CDCA5: variants seen among roughly 807,000 people sequenced by gnomAD.
CDCA5 encodes the protein cell division cycle associated 5.
CDCA5 carries 14 observed loss-of-function variants against 25.7 expected under a neutral mutation model. That is an observed-to-expected ratio of 0.54 (90% CI 0.36 to 0.85). The LOEUF (loss-of-function observed/expected upper bound fraction) is 0.85, where lower values mean the gene tolerates loss of function less well. Ranked by LOEUF, CDCA5 falls within the 40% of genes least tolerant of loss-of-function variation. The pLI is 0.01. For synonymous variants in CDCA5, 127 were observed against 128.7 expected, an observed-to-expected ratio of 0.99 and a Z score of 0.09; for missense variants, 307 against 324.5, an observed-to-expected ratio of 0.95 and a Z score of 0.41.
chr11:65,078,009 A>C lies in CDCA5; in HGVS notation c.*1098T>G, dbSNP rs1023343828. 1.0e-6 allele frequency: 1 copy of C among 985,370 alleles called. No individual in the cohort carries two copies. The highest frequency in any genetic ancestry group is 1.2e-6 in the Non-Finnish European group (1 of 829,968). 61.0% of individuals were successfully genotyped at this position (985,370 alleles called of 1,614,324 possible). A position where few individuals can be genotyped will look rare whatever the true frequency, so the allele number is the denominator to read the frequency against. On this transcript the variant is annotated 3_prime_UTR_variant, in exon 6 of 6. Coordinates refer to ENST00000275517, the MANE Select transcript of CDCA5 (RefSeq NM_080668.4). ...ATGGAAAGAAGAGAAAGATGGGGAA[A>C]TTCTCCAGAGATCATGAGATGCATC...
chr11:65,076,699 T>G (rs1055420887), downstream of CDCA5, among the ~76,000 whole-genome samples: 5 of 152,150 alleles, frequency 3.3e-5, no homozygotes, highest in African/African-American at 1.2e-4. Flanking sequence ...GGTCCTAGCC[T>G]TACCTAAGGC....
chr11:65,076,974 G>A (rs1947458445), downstream of CDCA5, among the ~76,000 whole-genome samples: 1 of 152,134 alleles, frequency 6.6e-6, no homozygotes, highest in African/African-American at 2.4e-5. Context: ...ACTGGGGACT[G>A]GACAGAAATA....
intron 3 of CDCA5, chr11:65,067,981 C>G: frequency 8.2e-7 from 1 of 1,223,968 alleles, no homozygotes; most frequent in South Asian, 1.3e-5. Flanking sequence ...CTGCATGTGC[C>G]TGCATGGGCA....
the CDCA5 span, among the ~76,000 whole-genome samples, chr11:65,061,162 G>A: frequency 6.6e-6 from 1 of 152,148 alleles, no homozygotes; most frequent in Admixed American, 6.6e-5. Context: ...GCAGAGTCAC[G>A]TGGCCTCCCG....
chr11:65,070,226 T>A (rs1277524032), intron 1 of CDCA5, among the ~76,000 whole-genome samples: 3 of 151,678 alleles, frequency 2.0e-5, no homozygotes, highest in African/African-American at 7.3e-5. Context: ...AGAGGGTGAG[T>A]GGAAGGCGTA....
chr11:65,064,869 A>G (rs539326861), downstream of CDCA5, among the ~76,000 whole-genome samples: 3 of 152,312 alleles, frequency 2.0e-5, no homozygotes, highest in African/African-American at 4.8e-5. Flanking sequence ...TATAAAAATA[A>G]AATGTAAAAA....
intron 5 of CDCA5, chr11:65,066,809 T>C: frequency 3.1e-6 from 4 of 1,289,346 alleles, no homozygotes; most frequent in Non-Finnish European, 4.0e-6. Flanking sequence ...GCTCAGGGTC[T>C]TACCAGGTTC....
intron 4 of CDCA5, among the ~76,000 whole-genome samples, chr11:65,081,661 A>G (rs1386302917): frequency 3.3e-5 from 5 of 152,088 alleles, no homozygotes; most frequent in African/African-American, 1.2e-4. Flanking sequence ...CATGCAAGAA[A>G]ATACACTATA....
the CDCA5 span, among the ~76,000 whole-genome samples, chr11:65,061,140 CT>C: frequency 6.6e-6 from 1 of 152,192 alleles, no homozygotes; most frequent in Admixed American, 6.5e-5. Context: ...ACCCTTGCCC[CT>C]GGATGTGCCT....
chr11:65,066,842 G>A, exon 5 of CDCA5: 1 of 1,289,378 alleles, frequency 7.8e-7, no homozygotes, highest in South Asian at 1.2e-5. Flanking sequence ...CCCAGGGCCA[G>A]GTTGTGCACT....
chr11:65,067,730 T>C (rs1947266209), exon 4 of CDCA5: 2 of 1,289,424 alleles, frequency 1.6e-6, no homozygotes, highest in Non-Finnish European at 2.0e-6. Flanking sequence ...ATCTAAGAAC[T>C]GGTACTCCTG....
chr11:65,083,663 T>G lies in CDCA5; in HGVS notation c.107A>C (p.Glu36Ala). ...LRRSQRKSGSELPSILPEIWP... is the reference protein window; with the variant it reads ...LRRSQRKSGSALPSILPEIWP... ...GATTTCAGGGAGGATGCTCGGGAGT[T>G]CAGAGCCTGATTTCCGCTGGGACCT... The change falls in exon 2 of 6, where the codon GAA becomes GCA. Residue 36 changes from glutamate (E) to alanine (A), a missense_variant. Glu to Ala is a moderately radical substitution (Grantham distance 107, BLOSUM62 -1). Transcript: ENST00000275517. The G allele has an allele frequency of 6.2e-7, 1 of 1,614,098 alleles. No homozygotes were observed.
At chr11:65,065,053 G>C (rs577350628), downstream of CDCA5, among the ~76,000 whole-genome samples, 116 of 152,098 alleles carry the variant, frequency 7.6e-4, no homozygotes, top group Non-Finnish European at 1.4e-3. Context: ...CCATCCTCTT[G>C]GCTGTTGTCT....
chr11:65,073,527 C>A (rs974984126), downstream of CDCA5, among the ~76,000 whole-genome samples: 4 of 152,090 alleles, frequency 2.6e-5, no homozygotes, highest in Admixed American at 2.6e-4. Context: ...GGGAAAGACA[C>A]GAGAGGCAGA....
At chr11:65,065,553 G>T (rs970748669), downstream of CDCA5, among the ~76,000 whole-genome samples, 1 of 152,176 alleles carries the variant, frequency 6.6e-6, no homozygotes, top group Non-Finnish European at 1.5e-5. Flanking sequence ...CTCCCAAAGT[G>T]CTGGGATTAC....
At chr11:65,064,726 G>A (rs1358654721), downstream of CDCA5, among the ~76,000 whole-genome samples, 1 of 152,116 alleles carries the variant, frequency 6.6e-6, no homozygotes, top group Non-Finnish European at 1.5e-5. Context: ...GGGCTGCTAA[G>A]TCAGAGATGT....
At chr11:65,066,816 G>C in exon 5 of CDCA5, 1 of 1,289,390 alleles carries the variant, frequency 7.8e-7, no homozygotes, top group South Asian at 1.2e-5. Context: ...GTCTTACCAG[G>C]TTCTGCAGCT....
At chr11:65,070,646 T>G (rs1029635454) in intron 1 of CDCA5, among the ~76,000 whole-genome samples, 1 of 152,038 alleles carries the variant, frequency 6.6e-6, no homozygotes, top group African/African-American at 2.4e-5. Context: ...CACACCCAGC[T>G]AATTTGTGTA....
Position 65,077,924 on chromosome 11 carries a change from G to T in CDCA5, c.*1183C>A. The T allele has an allele frequency of 1.0e-6, 1 of 985,562 alleles. No individual in the cohort carries two copies. Among genetic ancestry groups the T allele is most frequent in the Non-Finnish European group, 1.2e-6 (1 of 830,016 alleles). The allele number at this position is 985,562 out of a possible 1,614,324, so 61.1% of individuals were successfully genotyped here. A position where few individuals can be genotyped will look rare whatever the true frequency, so the allele number is the denominator to read the frequency against. The stretch of plus-strand genomic sequence containing the variant: ...AACATCAAAAGGTACAATGGCCAGG[G>T]GTGCGGCAGGAGAGTCGGGGGCAGG... On this transcript the variant is annotated 3_prime_UTR_variant, in exon 6 of 6. Transcript: ENST00000275517.
Sources: gnomAD v4.1 joint callset for allele counts (sites outside exome capture counted in the v4.1 genomes callset) on GRCh38, gnomAD v4.1.1 for gene constraint, MANE v1.5 for transcripts, NCBI Gene and HGNC (gene_info 2026-07-23, HGNC 2026-07-21) for gene names.